ME1: variants seen among roughly 807,000 people sequenced by gnomAD.
The protein encoded by ME1 is NADP-dependent malic enzyme.
A neutral mutation model predicts 66.4 loss-of-function variants in ME1; 74 were observed. That is an observed-to-expected ratio of 1.11 (90% CI 0.92 to 1.35). The LOEUF (loss-of-function observed/expected upper bound fraction) is 1.35, where lower values mean the gene tolerates loss of function less well. ME1 is among the 40% of genes most tolerant of loss of function. The pLI, the probability that ME1 is intolerant of heterozygous loss-of-function variation, is 0.00. For synonymous variants in ME1, 251 were observed against 235.6 expected, an observed-to-expected ratio of 1.07 and a Z score of -0.60; for missense variants, 750 against 694.1, an observed-to-expected ratio of 1.08 and a Z score of -0.90.
At chr6:83,367,817 G>A (rs141994622) in intron 3 of ME1, among the ~76,000 whole-genome samples, 204 of 152,198 alleles carry the variant, frequency 1.3e-3, no homozygotes, top group African/African-American at 4.5e-3. Flanking sequence ...CTTTCTTATC[G>A]TTGGTATGTT....
At chr6:83,295,639 C>T (rs1767583773) in intron 6 of ME1, among the ~76,000 whole-genome samples, 1 of 151,900 alleles carries the variant, frequency 6.6e-6, no homozygotes, top group Non-Finnish European at 1.5e-5. Context: ...CAAACCAACC[C>T]CAAAGCTAGC....
At chr6:83,244,191 C>T (rs1263403154) in intron 7 of ME1, among the ~76,000 whole-genome samples, 1 of 151,882 alleles carries the variant, frequency 6.6e-6, no homozygotes, top group African/African-American at 2.4e-5. Flanking sequence ...GGAATCTCAG[C>T]AGTGTAAGAG....
chr6:83,414,804 A>C (rs1770128263), intron 1 of ME1, among the ~76,000 whole-genome samples: 1 of 152,210 alleles, frequency 6.6e-6, no homozygotes, highest in Non-Finnish European at 1.5e-5. Flanking sequence ...AATCATTGAA[A>C]TCATTTGAAA....
intron 2 of ME1, among the ~76,000 whole-genome samples, chr6:83,401,384 A>G (rs535141070): frequency 5.0e-4 from 76 of 152,252 alleles, no homozygotes; most frequent in African/African-American, 1.8e-3. Flanking sequence ...GAGGTCAGAG[A>G]TCATTGTCTA....
chr6:83,344,814 C>T (rs957307073), intron 5 of ME1, among the ~76,000 whole-genome samples: 4 of 151,502 alleles, frequency 2.6e-5, no homozygotes, highest in Non-Finnish European at 4.4e-5. Context: ...ACCCGGGAGG[C>T]GGAGGTTGCA....
At chr6:83,306,651 G>T (rs141818558) in intron 6 of ME1, among the ~76,000 whole-genome samples, 1 of 151,982 alleles carries the variant, frequency 6.6e-6, no homozygotes, top group Admixed American at 6.6e-5. Flanking sequence ...TTTATGTTGG[G>T]GAGCTACCTT....
chr6:83,376,801 T>G (rs1373124590), intron 3 of ME1, among the ~76,000 whole-genome samples: 2 of 58,096 alleles, frequency 3.4e-5, no homozygotes, highest in Non-Finnish European at 6.5e-5. Context: ...AGACCCTGTC[T>G]CACAAAAAAA....
intron 5 of ME1, among the ~76,000 whole-genome samples, chr6:83,340,909 A>C (rs1768567298): frequency 6.6e-6 from 1 of 151,976 alleles, no homozygotes; most frequent in South Asian, 2.1e-4. Context: ...TTTGCCTCTT[A>C]TATTTCTATT....
At chr6:83,254,231 T>TA (rs1288878041) in intron 6 of ME1, among the ~76,000 whole-genome samples, 5 of 152,178 alleles carry the variant, frequency 3.3e-5, no homozygotes, top group Non-Finnish European at 7.4e-5. Flanking sequence ...AAAAATTGTT[T>TA]AAAAAATGGT....
In ME1 at chr6:83,275,205, G is replaced by C. The variant is rs143864092; in HGVS notation, c.705-21467C>G. Among the ~76,000 whole-genome samples the C allele has an allele frequency of 2.6e-3, 389 of 151,870 alleles. 2 individuals carry two copies. Among genetic ancestry groups the C allele is most frequent in the African/African-American group, 8.9e-3 (371 of 41,478 alleles). Reference sequence around the variant, plus strand: ...AAAAATTAGCCAGGTGTGGTGCCAGGCGCCAGTAATCCCAGCTACATGGGA... The same window carrying C: ...AAAAATTAGCCAGGTGTGGTGCCAGCCGCCAGTAATCCCAGCTACATGGGA... On this transcript the variant is annotated intron_variant, in intron 6 of 13. Coordinates refer to ENST00000369705, the MANE Select transcript of ME1 (RefSeq NM_002395.6).
chr6:83,275,595 A>G (rs529256030), intron 6 of ME1, among the ~76,000 whole-genome samples: 224 of 133,356 alleles, frequency 1.7e-3, no homozygotes, highest in Non-Finnish European at 3.0e-3. Flanking sequence ...CCTCCCAAGT[A>G]GCTAGGACTA....
At chr6:83,264,919 T>G (rs1032679457) in intron 6 of ME1, among the ~76,000 whole-genome samples, 2 of 152,208 alleles carry the variant, frequency 1.3e-5, no homozygotes, top group African/African-American at 4.8e-5. Context: ...ACAACCTGGT[T>G]TGAAAGGATT....
intron 1 of ME1, among the ~76,000 whole-genome samples, chr6:83,423,196 C>CTT (rs35067753): frequency 0.31 from 44,303 of 143,828 alleles, 6,937 homozygotes; most frequent in Middle Eastern, 0.46. Flanking sequence ...AGAGAAATGG[C>CTT]TTTTTTTTTT....
chr6:83,244,405 G>T lies in ME1; in HGVS notation c.815-4769C>A, dbSNP rs567677199. On this transcript the variant is annotated intron_variant, in intron 7 of 13. Transcript: ENST00000369705. The stretch of plus-strand genomic sequence containing the variant: ...CTTACTAGAATGCAAAGTGATATGA[G>T]GCTAGAGAAGTTTTGGGGTCAGATC... Among the ~76,000 whole-genome samples, 23 of 152,172 alleles carry T rather than the reference G, an allele frequency of 1.5e-4. No individual in the cohort carries two copies. In the South Asian group the frequency reaches 1.7e-3, roughly 11 times the overall value.
In ME1 at chr6:83,223,777, A is replaced by T; in HGVS notation, c.1432T>A (p.Phe478Ile). Residue 478 changes from phenylalanine (F) to isoleucine (I), a missense_variant, in exon 12 of 14, where the codon TTC becomes ATC. By Grantham distance (21) the Phe-to-Ile change is conservative. Transcript: ENST00000369705. ...TACAATACCTCAGCAGTAGTGAGGA[A>T]AATATTATCTGTGATCTGCCTCAAT... ...CGLRQITDNI[F>I]LTTAEVIAQQ... 6.2e-7 allele frequency: 1 copy of T among 1,613,636 alleles called. No individual in the cohort carries two copies. Among genetic ancestry groups the T allele is most frequent in the South Asian group, 1.1e-5 (1 of 91,058 alleles).
chr6:83,358,563 C>T (rs1211527433), intron 3 of ME1, among the ~76,000 whole-genome samples: 1 of 152,206 alleles, frequency 6.6e-6, no homozygotes, highest in East Asian at 1.9e-4. Flanking sequence ...ATGAAAGGTG[C>T]ATGCACAGCC....
intron 1 of ME1, among the ~76,000 whole-genome samples, chr6:83,419,673 T>C (rs1233738008): frequency 4.6e-5 from 7 of 152,202 alleles, no homozygotes; most frequent in Non-Finnish European, 5.9e-5. Flanking sequence ...TATAAGACTA[T>C]TTTTAAAATA....
At chr6:83,301,120 C>T (rs1467349711) in intron 6 of ME1, among the ~76,000 whole-genome samples, 7 of 152,048 alleles carry the variant, frequency 4.6e-5, no homozygotes, top group Admixed American at 3.9e-4. Context: ...GGGTGCAGCA[C>T]ACCAACATGG....
intron 1 of ME1, among the ~76,000 whole-genome samples, chr6:83,418,811 A>G (rs562566582): frequency 2.0e-5 from 3 of 152,236 alleles, no homozygotes; most frequent in Non-Finnish European, 4.4e-5. Flanking sequence ...AACAATTGTG[A>G]TAAGTACAGG....
Sources: allele counts gnomAD v4.1 joint callset (sites outside exome capture counted in the v4.1 genomes callset), GRCh38; gene constraint gnomAD v4.1.1; transcripts MANE v1.5; gene names NCBI Gene and HGNC (gene_info 2026-07-23, HGNC 2026-07-21).